Variants in MCTP2 observed in about 807,000 individuals in gnomAD.
MCTP2 encodes the protein multiple C2 and transmembrane domain-containing protein 2.
MCTP2 carries 132 observed loss-of-function variants against 111.6 expected under a neutral mutation model. That is an observed-to-expected ratio of 1.18 (90% CI 1.03 to 1.37). The LOEUF (loss-of-function observed/expected upper bound fraction) is 1.37, where lower values mean the gene tolerates loss of function less well. Among genes scored for constraint, MCTP2 ranks in the 40% most tolerant of loss-of-function variants. The pLI, the probability that MCTP2 is intolerant of heterozygous loss-of-function variation, is 0.00. For missense variants in MCTP2, 1,183 were observed against 1,067.9 expected (o/e 1.11, Z -1.50); for synonymous variants, 395 against 387.7 (o/e 1.02, Z -0.22).
chr15:94,461,025 T>C (rs3784640), intron 20 of MCTP2, among the ~76,000 whole-genome samples: 4 of 151,560 alleles, frequency 2.6e-5, no homozygotes, highest in South Asian at 2.1e-4. Flanking sequence ...ACTGATGGGT[T>C]GGGGGGGACC....
rs2074591468 is a variant in MCTP2 at position 94,478,998 on chromosome 15, C to T, written c.2601C>T (p.Ser867=). The change falls in exon 23 of 23, where the codon AGC becomes AGT. Residue 867 remains serine (S), a synonymous_variant. Coordinates refer to ENST00000357742, the MANE Select transcript of MCTP2 (RefSeq NM_001385001.1). ...ATGCAGAATTGAAACTCTGCAGCAG[C>T]CACAGCCCCCTGCGGAAGAAGCGCA... The part of the protein sequence containing the change: ...VQYAELKLCS[S]HSPLRKKRSA... 6 of 1,613,998 alleles carry T rather than the reference C, an allele frequency of 3.7e-6. No homozygotes were observed. The highest frequency in any genetic ancestry group is 5.1e-6 in the Non-Finnish European group (6 of 1,180,010).
chr15:94,408,908 G>A (rs2082025893), intron 17 of MCTP2, among the ~76,000 whole-genome samples: 1 of 152,032 alleles, frequency 6.6e-6, no homozygotes, highest in African/African-American at 2.4e-5. Flanking sequence ...CAGGCTCTGC[G>A]TGGGACCCTG....
chr15:94,269,268 T>C (rs1232807702), intron 1 of MCTP2, among the ~76,000 whole-genome samples: 1 of 152,240 alleles, frequency 6.6e-6, no homozygotes, highest in Non-Finnish European at 1.5e-5. Context: ...TATAGATTTA[T>C]TCTTAAAATG....
At chr15:94,303,510 A>T (rs994512243) in intron 2 of MCTP2, among the ~76,000 whole-genome samples, 31 of 152,114 alleles carry the variant, frequency 2.0e-4, no homozygotes, top group African/African-American at 6.8e-4. Context: ...CACACCCAGG[A>T]TCAATATTTT....
chr15:94,341,679 C>A (rs2077648103), intron 7 of MCTP2: 1 of 152,006 alleles, frequency 6.6e-6, no homozygotes, highest in African/African-American at 2.4e-5. Context: ...ATGATGAAAA[C>A]CGTGATTGAT....
intron 1 of MCTP2, among the ~76,000 whole-genome samples, chr15:94,244,204 GTATACACATACATATGTGTATATATTTA>G: frequency 7.1e-6 from 1 of 141,302 alleles, no homozygotes; most frequent in African/African-American, 2.6e-5. Flanking sequence ...ATATACACGT[GTATACACATACATATGTGTATATATTTA>G]TATACACGTG....
intron 6 of MCTP2, among the ~76,000 whole-genome samples, chr15:94,340,513 A>G (rs559722736): frequency 6.6e-6 from 1 of 152,310 alleles, no homozygotes; most frequent in African/African-American, 2.4e-5. Context: ...ATTGGATTTC[A>G]TACTTTGATT....
intron 2 of MCTP2, among the ~76,000 whole-genome samples, chr15:94,298,955 C>G (rs1387771076): frequency 2.6e-3 from 25 of 9,742 alleles, no homozygotes; most frequent in Non-Finnish European, 3.9e-3. Context: ...CCCTCTCTCC[C>G]TCTCTCCCTC....
chr15:94,467,681 G>GGAGAAGACATTT (rs2073506616), intron 20 of MCTP2, among the ~76,000 whole-genome samples: 1 of 152,118 alleles, frequency 6.6e-6, no homozygotes, highest in Non-Finnish European at 1.5e-5. Flanking sequence ...TAACCAGCCT[G>GGAGAAGACATTT]GAGAAGACAT....
rs894894749 is a variant in MCTP2 at position 94,298,601 on chromosome 15, C to T, written c.336C>T (p.His112=). ...ELDWSQEEAS[H]LHVVETDSEE... ...ATTGGAGCCAGGAAGAAGCCAGTCACCTCCATGTGGTGGAAACAGACTCAG... is the reference window on the plus strand; with the variant it reads ...ATTGGAGCCAGGAAGAAGCCAGTCATCTCCATGTGGTGGAAACAGACTCAG... Residue 112 remains histidine (H), a synonymous_variant, in exon 2 of 23, where the codon CAC becomes CAT. Coordinates refer to ENST00000357742, the MANE Select transcript of MCTP2 (RefSeq NM_001385001.1). 4.3e-6 allele frequency: 7 copies of T among 1,613,988 alleles called. No homozygotes were observed. Among genetic ancestry groups the T allele is most frequent in the Non-Finnish European group, 5.1e-6 (6 of 1,180,012 alleles).
intron 21 of MCTP2, among the ~76,000 whole-genome samples, chr15:94,471,638 A>G (rs555486293): frequency 1.3e-5 from 2 of 152,158 alleles, no homozygotes; most frequent in South Asian, 2.1e-4. Flanking sequence ...CTTGGAGGAA[A>G]GTCTCATCTG....
At chr15:94,313,185 G>T (rs915632314) in intron 2 of MCTP2, among the ~76,000 whole-genome samples, 1 of 152,160 alleles carries the variant, frequency 6.6e-6, no homozygotes, top group Non-Finnish European at 1.5e-5. Context: ...ATTGCTGGGA[G>T]GCCATTTGCC....
intron 1 of MCTP2, among the ~76,000 whole-genome samples, chr15:94,244,061 C>CGT (rs1567256306): frequency 4.1e-5 from 6 of 145,574 alleles, no homozygotes; most frequent in African/African-American, 1.3e-4. Flanking sequence ...TATACACATA[C>CGT]ATATGTGTAT....
chr15:94,338,687 T>C lies in MCTP2; in HGVS notation c.638-603T>C, dbSNP rs141243941. Reference sequence around the variant, plus strand: ...AGGCCAGCTGAGGGCCTGGCTGATGTGGAGTTCAGCTGCCCTGGCTGAGAC... The same window carrying C: ...AGGCCAGCTGAGGGCCTGGCTGATGCGGAGTTCAGCTGCCCTGGCTGAGAC... On this transcript the variant is annotated intron_variant, in intron 4 of 22. Transcript: ENST00000357742. Among the ~76,000 whole-genome samples, 10 of 152,242 alleles carry C rather than the reference T, an allele frequency of 6.6e-5. No individual in the cohort carries two copies. The East Asian group carries it at 1.9e-3, about 29-fold the overall frequency.
At position 94,244,055 on chromosome 15, in the gene MCTP2, CACAT is replaced by C. The variant is rs1235484211; in HGVS notation, c.-66+12397_-66+12400del. On this transcript the variant is annotated intron_variant, in intron 1 of 22. Coordinates refer to ENST00000357742, the MANE Select transcript of MCTP2 (RefSeq NM_001385001.1). Reference sequence around the variant, plus strand: ...TGTATATATTGCACACATATGTATACACATACATATGTGTATATATTTATGCACA... The same window carrying C: ...TGTATATATTGCACACATATGTATACACATATGTGTATATATTTATGCACA... Among the ~76,000 whole-genome samples, 12 of 145,410 alleles carry C rather than the reference CACAT, an allele frequency of 8.3e-5. No homozygotes were observed. The South Asian group carries it at 1.5e-3, about 18-fold the overall frequency.
intron 8 of MCTP2, among the ~76,000 whole-genome samples, chr15:94,353,898 G>T (rs1567505215): frequency 6.6e-6 from 1 of 151,958 alleles, no homozygotes; most frequent in Non-Finnish European, 1.5e-5. Flanking sequence ...CATATATGCA[G>T]ATACATCTAT....
At chr15:94,459,369 G>A (rs1169360938) in intron 20 of MCTP2, among the ~76,000 whole-genome samples, 1 of 152,154 alleles carries the variant, frequency 6.6e-6, no homozygotes, top group South Asian at 2.1e-4. Context: ...TAGTTAACAT[G>A]CAACTTTATG....
chr15:94,411,308 G>A (rs1432043478), intron 17 of MCTP2, among the ~76,000 whole-genome samples: 1 of 122,758 alleles, frequency 8.1e-6, no homozygotes, highest in African/African-American at 3.1e-5. Context: ...TTCTTTTTTT[G>A]CAGTCTGAGC....
chr15:94,431,139 C>A (rs746322278), intron 17 of MCTP2, among the ~76,000 whole-genome samples: 17 of 151,994 alleles, frequency 1.1e-4, no homozygotes, highest in Admixed American at 5.9e-4. Context: ...AGGTGTTTAA[C>A]AAATCAGTAC....
Sources: allele counts gnomAD v4.1 joint callset (sites outside exome capture counted in the v4.1 genomes callset), GRCh38; gene constraint gnomAD v4.1.1; transcripts MANE v1.5; gene names NCBI Gene and HGNC (gene_info 2026-07-23, HGNC 2026-07-21).